The following GRIK3 variants were observed in gnomAD, a reference collection of about 807,000 sequenced individuals.
The protein encoded by GRIK3 is glutamate ionotropic receptor kainate type subunit 3, also known as glutamate receptor ionotropic, kainate 3.
In GRIK3, 29 loss-of-function variants were observed where a neutral mutation model predicts 102.5. The ratio of observed to expected loss-of-function variants is 0.28; its 90% confidence interval spans 0.21 to 0.39. The LOEUF is 0.39. GRIK3 is among the 10% of genes least tolerant of loss of function. The pLI is 1.00. For missense variants in GRIK3, 908 were observed against 1,252.4 expected, an observed-to-expected ratio of 0.73 and a Z score of 4.15; for synonymous variants, 511 against 504.9, an observed-to-expected ratio of 1.01 and a Z score of -0.16.
chr1:36,968,082 C>T (rs181961738), intron 1 of GRIK3, among the ~76,000 whole-genome samples: 84 of 152,200 alleles, frequency 5.5e-4, no homozygotes, highest in African/African-American at 2.0e-3. Context: ...GACTCCCTGC[C>T]CCAACCCTGC....
chr1:37,024,341 A>G (rs1642745284), intron 1 of GRIK3, among the ~76,000 whole-genome samples: 1 of 152,102 alleles, frequency 6.6e-6, no homozygotes. Flanking sequence ...TAATAGTAGG[A>G]ATAATAGACA....
At chr1:36,957,762 C>T (rs72919542) in intron 1 of GRIK3, among the ~76,000 whole-genome samples, 77 of 129,514 alleles carry the variant, frequency 5.9e-4, no homozygotes, top group African/African-American at 2.1e-3. Flanking sequence ...GTCCTGTGAG[C>T]ATGTGTGTCC....
At chr1:36,873,184 C>A (rs1015796242) in intron 3 of GRIK3, among the ~76,000 whole-genome samples, 1 of 152,230 alleles carries the variant, frequency 6.6e-6, no homozygotes, top group African/African-American at 2.4e-5. Context: ...GTTCCCACCA[C>A]CCCCAGCACA....
In GRIK3 at chr1:36,872,674, A is replaced by T. The variant is rs920035648; in HGVS notation, c.551-305T>A. ...GTGCACACAGTGGTGCAGTACACAC[A>T]TATGTAGATTCAAAAGTAGGCACAG... On this transcript the variant is annotated intron_variant, in intron 3 of 15. Coordinates refer to ENST00000373091, the MANE Select transcript of GRIK3 (RefSeq NM_000831.4). The surrounding 1 kb of genome is among the most constrained non-coding windows in gnomAD (Gnocchi z 5.9). Among the ~76,000 whole-genome samples, 2 of 152,228 alleles carry T rather than the reference A, an allele frequency of 1.3e-5. No homozygotes were observed. The highest frequency in any genetic ancestry group is 3.9e-4 in the East Asian group (2 of 5,190).
rs756770515 is a variant in GRIK3 at position 36,979,801 on chromosome 1, T to C, written c.115+54193A>G. ...CACAGAAGCCACAGATTGCAGAGGA[T>C]GTGGATGGAGGGAGAACAAGCCTGG... is the stretch of plus-strand genomic sequence containing the variant. On this transcript the variant is annotated intron_variant, in intron 1 of 15. Coordinates refer to ENST00000373091, the MANE Select transcript of GRIK3 (RefSeq NM_000831.4). 1.6e-4 allele frequency among the ~76,000 whole-genome samples: 25 copies of C among 152,140 alleles called. 1 individual carries two copies. The highest frequency in any genetic ancestry group is 3.1e-4 in the Non-Finnish European group (21 of 68,032).
chr1:36,926,802 A>C (rs560704661), intron 1 of GRIK3, among the ~76,000 whole-genome samples: 1 of 152,236 alleles, frequency 6.6e-6, no homozygotes, highest in South Asian at 2.1e-4. Context: ...CGTTCTTATA[A>C]CCACTCCCAC....
intron 1 of GRIK3, among the ~76,000 whole-genome samples, chr1:36,924,355 G>A (rs764196328): frequency 2.0e-5 from 3 of 152,200 alleles, no homozygotes; most frequent in Non-Finnish European, 2.9e-5. Flanking sequence ...GCCTGGTGCT[G>A]TGCAATTTTG....
intron 1 of GRIK3, among the ~76,000 whole-genome samples, chr1:36,915,685 A>T (rs1641391238): frequency 6.6e-6 from 1 of 152,116 alleles, no homozygotes; most frequent in African/African-American, 2.4e-5. Flanking sequence ...GATGGTTTTA[A>T]TAAAGGGGAG....
intron 1 of GRIK3, among the ~76,000 whole-genome samples, chr1:36,936,524 C>T (rs1557431644): frequency 2.6e-5 from 4 of 152,190 alleles, no homozygotes; most frequent in Admixed American, 6.5e-5. Context: ...AAGGGCACCT[C>T]GGCTGATGAA....
At chr1:37,024,569 C>G (rs1557467703) in intron 1 of GRIK3, among the ~76,000 whole-genome samples, 2 of 150,744 alleles carry the variant, frequency 1.3e-5, no homozygotes, top group Non-Finnish European at 3.0e-5. Flanking sequence ...ATGGTGAAAC[C>G]CCATCTCTAC....
At chr1:37,032,481 A>G (rs1000627991) in intron 1 of GRIK3, among the ~76,000 whole-genome samples, 1 of 146,436 alleles carries the variant, frequency 6.8e-6, no homozygotes. Context: ...GTGCTGGTCC[A>G]TTACTGGGGG....
chr1:36,864,382 G>A (rs1640760382), intron 5 of GRIK3, among the ~76,000 whole-genome samples: 1 of 152,194 alleles, frequency 6.6e-6, no homozygotes, highest in African/African-American at 2.4e-5. Context: ...CTGCCTACAG[G>A]GGGCGCCCTC....
At chr1:36,897,916 A>T (rs1461304955) in intron 1 of GRIK3, among the ~76,000 whole-genome samples, 5 of 152,244 alleles carry the variant, frequency 3.3e-5, no homozygotes, top group African/African-American at 1.2e-4. Context: ...AGATGAATGG[A>T]TAAAGAAAAT....
At chr1:36,894,922 G>A (rs1486997948) in intron 1 of GRIK3, among the ~76,000 whole-genome samples, 1 of 152,280 alleles carries the variant, frequency 6.6e-6, no homozygotes, top group East Asian at 1.9e-4. Context: ...TGTCCTCAGG[G>A]GAAACTAGTT....
At chr1:36,871,547 T>C (rs1172856887) in intron 4 of GRIK3, among the ~76,000 whole-genome samples, 2 of 152,214 alleles carry the variant, frequency 1.3e-5, no homozygotes, top group Non-Finnish European at 2.9e-5. Flanking sequence ...GAGCGGGTGG[T>C]AGGCGATTTC....
intron 1 of GRIK3, among the ~76,000 whole-genome samples, chr1:37,006,056 G>T (rs1480292326): frequency 6.6e-6 from 1 of 152,186 alleles, no homozygotes; most frequent in Non-Finnish European, 1.5e-5. Context: ...TAGCCACCGG[G>T]AGAAGGCGGT....
chr1:36,987,376 T>C (rs1160452174), intron 1 of GRIK3, among the ~76,000 whole-genome samples: 1 of 152,082 alleles, frequency 6.6e-6, no homozygotes, highest in African/African-American at 2.4e-5. Context: ...AGCGCTTTAT[T>C]TGGGACTTGC....
intron 1 of GRIK3, among the ~76,000 whole-genome samples, chr1:36,949,086 A>T (rs1641814776): frequency 6.6e-6 from 1 of 152,178 alleles, no homozygotes; most frequent in Non-Finnish European, 1.5e-5. Context: ...ACCCAGGGAA[A>T]GGCCATCCAG....
chr1:37,031,103 G>A (rs1642822878), intron 1 of GRIK3, among the ~76,000 whole-genome samples: 1 of 152,034 alleles, frequency 6.6e-6, no homozygotes, highest in African/African-American at 2.4e-5. Context: ...GTTAAGACTG[G>A]GATTCACCCA....
Sources: gnomAD v4.1 joint callset for allele counts (sites outside exome capture counted in the v4.1 genomes callset) on GRCh38, gnomAD v4.1.1 for gene constraint, Gnocchi (gnomAD v3.1) non-coding constraint, MANE v1.5 for transcripts, NCBI Gene and HGNC (gene_info 2026-07-23, HGNC 2026-07-21) for gene names.